Variants in DCHS2 observed in about 807,000 individuals in gnomAD.
DCHS2 encodes dachsous cadherin-related 2.
Under a neutral mutation model 182.4 loss-of-function variants are expected in DCHS2, and 142 were observed. The ratio of observed to expected loss-of-function variants is 0.78; its 90% CI spans 0.68 to 0.89. The LOEUF is 0.89. Among genes scored for constraint, DCHS2 ranks in the 40% least tolerant of loss-of-function variants. The pLI, the probability that DCHS2 is intolerant of heterozygous loss-of-function variation, is 0.00. For synonymous variants in DCHS2, 1,740 were observed against 1,663.3 expected, an observed-to-expected ratio of 1.05 and a Z score of -1.12; for missense variants, 4,319 against 4,198.6, an observed-to-expected ratio of 1.03 and a Z score of -0.79.
chr4:154,461,129 A>G lies in DCHS2; in HGVS notation c.2052+28175T>C, dbSNP rs535669596. ...GAAGCCCCAAAGAGGACTCAGGCAC[A>G]GCCCTTTCCAATCCTAGGCCCTGAC... is the stretch of plus-strand genomic sequence containing the variant. On this transcript the variant is annotated intron_variant, in intron 1 of 19. Coordinates refer to ENST00000357232, the MANE Select transcript of DCHS2 (RefSeq NM_001358235.2). 9.2e-5 allele frequency among the ~76,000 whole-genome samples: 14 copies of G among 152,318 alleles called. No homozygotes were observed. In the East Asian group the frequency reaches 2.7e-3, roughly 29 times the overall value.
In DCHS2 at chr4:154,345,636, C is replaced by G. The variant is rs150772674; in HGVS notation, c.2477-10532G>C. Among the ~76,000 whole-genome samples the G allele has an allele frequency of 1.6e-4, 24 of 148,386 alleles. No homozygotes were observed. In the East Asian group the frequency reaches 4.9e-3, roughly 30 times the overall value. On this transcript the variant is annotated intron_variant, in intron 3 of 19. Transcript: ENST00000357232. Reference sequence around the variant, plus strand: ...GTTTCCTTCATGAAACCTATCATAACCTGTGGTATTTTCTGTTTTCCTGTT... The same window carrying G: ...GTTTCCTTCATGAAACCTATCATAAGCTGTGGTATTTTCTGTTTTCCTGTT...
intron 3 of DCHS2, among the ~76,000 whole-genome samples, chr4:154,335,727 G>T (rs1728770901): frequency 6.6e-6 from 1 of 152,116 alleles, no homozygotes; most frequent in African/African-American, 2.4e-5. Flanking sequence ...GAGATGAACT[G>T]ATACATGTAT....
intron 14 of DCHS2, among the ~76,000 whole-genome samples, chr4:154,266,480 C>A (rs1042559200): frequency 6.6e-6 from 1 of 151,872 alleles, no homozygotes; most frequent in Admixed American, 6.6e-5. Context: ...CACAGTGAAA[C>A]CCCGTCTCTA....
intron 13 of DCHS2, among the ~76,000 whole-genome samples, chr4:154,288,665 G>A (rs908577610): frequency 1.6e-4 from 25 of 152,102 alleles, no homozygotes; most frequent in African/African-American, 5.8e-4. Flanking sequence ...CAGACCATAT[G>A]TTAGGCTGCA....
chr4:154,476,142 C>T (rs190289358), intron 1 of DCHS2, among the ~76,000 whole-genome samples: 2 of 152,232 alleles, frequency 1.3e-5, no homozygotes, highest in Admixed American at 1.3e-4. Context: ...ATATTGTGTT[C>T]TCAAATCTGC....
chr4:154,475,174 A>C (rs1035271086), intron 1 of DCHS2, among the ~76,000 whole-genome samples: 1 of 152,188 alleles, frequency 6.6e-6, no homozygotes, highest in African/African-American at 2.4e-5. Context: ...CAAAGAAACA[A>C]ATGTACTGAA....
At chr4:154,286,459 A>G (rs955900453) in intron 13 of DCHS2, among the ~76,000 whole-genome samples, 2 of 152,206 alleles carry the variant, frequency 1.3e-5, no homozygotes, top group Admixed American at 6.5e-5. Flanking sequence ...ATTTCAAGAT[A>G]ACACAGAGAG....
chr4:154,387,993 G>A (rs1392807583), intron 1 of DCHS2, among the ~76,000 whole-genome samples: 1 of 152,030 alleles, frequency 6.6e-6, no homozygotes, highest in Non-Finnish European at 1.5e-5. Context: ...TTAAGTTGTA[G>A]AAAGATGTAT....
intron 1 of DCHS2, among the ~76,000 whole-genome samples, chr4:154,380,109 G>A (rs145985946): frequency 3.6e-4 from 55 of 152,264 alleles, no homozygotes; most frequent in African/African-American, 1.3e-3. Context: ...TGTTAGTAGT[G>A]CCTAGACTGA....
At chr4:154,363,624 A>G (rs2110763167) in intron 3 of DCHS2, among the ~76,000 whole-genome samples, 1 of 152,298 alleles carries the variant, frequency 6.6e-6, no homozygotes, top group South Asian at 2.1e-4. Flanking sequence ...AGTTCTGAAG[A>G]TCTACTTTAT....
intron 1 of DCHS2, among the ~76,000 whole-genome samples, chr4:154,405,532 T>C (rs1018120384): frequency 2.0e-5 from 3 of 151,952 alleles, no homozygotes; most frequent in Non-Finnish European, 4.4e-5. Context: ...AAGATAGACT[T>C]CTAAATATTG....
At chr4:154,340,479 A>G (rs1332043180) in intron 3 of DCHS2, among the ~76,000 whole-genome samples, 1 of 152,234 alleles carries the variant, frequency 6.6e-6, no homozygotes, top group Non-Finnish European at 1.5e-5. Flanking sequence ...CTCTGATAGA[A>G]CTATTTGGTG....
At chr4:154,421,695 C>T (rs1387818870) in intron 1 of DCHS2, among the ~76,000 whole-genome samples, 1 of 152,220 alleles carries the variant, frequency 6.6e-6, no homozygotes, top group Admixed American at 6.5e-5. Context: ...CGCCCGAACT[C>T]ATCTGTGTTT....
At chr4:154,437,349 T>C (rs917658201) in intron 1 of DCHS2, among the ~76,000 whole-genome samples, 8 of 151,772 alleles carry the variant, frequency 5.3e-5, no homozygotes, top group African/African-American at 1.2e-4. Flanking sequence ...ACTCTCATGA[T>C]GAAAAAAGGA....
In DCHS2 at chr4:154,232,574, A is replaced by G. The variant is rs1027169876; in HGVS notation, c.*1962T>C. ...AACCTGTTTAATTAAAAACAACAAA[A>G]TGTTCTTAGTTTCCAGAAATAATTC... On this transcript the variant is annotated 3_prime_UTR_variant, in exon 20 of 20. Coordinates refer to ENST00000357232, the MANE Select transcript of DCHS2 (RefSeq NM_001358235.2). 6.6e-6 allele frequency: 1 copy of G among 152,160 alleles called. No homozygotes were observed. The highest frequency in any genetic ancestry group is 2.4e-5 in the African/African-American group (1 of 41,446). The allele number at this position is 152,160 out of a possible 1,614,324, so 9.4% of individuals were successfully genotyped here. A position where few individuals can be genotyped will look rare whatever the true frequency, so the allele number is the denominator to read the frequency against.
intron 1 of DCHS2, among the ~76,000 whole-genome samples, chr4:154,396,937 C>T (rs114899856): frequency 5.6e-3 from 854 of 152,170 alleles, no homozygotes; most frequent in Non-Finnish European, 0.01. Flanking sequence ...CTTATATATC[C>T]TAAACCTTCC....
chr4:154,415,602 A>G (rs971946922), intron 1 of DCHS2, among the ~76,000 whole-genome samples: 1 of 152,236 alleles, frequency 6.6e-6, no homozygotes, highest in Non-Finnish European at 1.5e-5. Context: ...GGGGAAAGAC[A>G]GAAAGACTTA....
At chr4:154,353,846 G>C (rs1439998535) in intron 3 of DCHS2, among the ~76,000 whole-genome samples, 1 of 152,186 alleles carries the variant, frequency 6.6e-6, no homozygotes, top group Non-Finnish European at 1.5e-5. Flanking sequence ...TTTTAGATTT[G>C]GGAAAGGATC....
At chr4:154,380,089 T>C (rs189942406) in intron 1 of DCHS2, among the ~76,000 whole-genome samples, 60 of 152,270 alleles carry the variant, frequency 3.9e-4, no homozygotes, top group African/African-American at 1.4e-3. Context: ...AAGAATTATC[T>C]GACCCGAAAT....
Sources: gnomAD v4.1 joint callset for allele counts (sites outside exome capture counted in the v4.1 genomes callset) on GRCh38, gnomAD v4.1.1 for gene constraint, MANE v1.5 for transcripts, NCBI Gene and HGNC (gene_info 2026-07-23, HGNC 2026-07-21) for gene names.